The following FGD4 variants were observed in gnomAD, a reference collection of about 807,000 sequenced individuals.
The protein encoded by FGD4 is FYVE, RhoGEF and PH domain containing 4, also known as FYVE, RhoGEF and PH domain-containing protein 4.
Under a neutral mutation model 102.0 loss-of-function variants are expected in FGD4, and 42 were observed. The observed-to-expected ratio is 0.41, with a 90% CI of 0.32 to 0.53. FGD4 has a LOEUF of 0.53. Among genes scored for constraint, FGD4 ranks in the 20% least tolerant of loss-of-function variants. FGD4 has a pLI of 0.21. For synonymous variants in FGD4, 380 were observed against 375.7 expected, an observed-to-expected ratio of 1.01 and a Z score of -0.13; for missense variants, 902 against 1,078.2, an observed-to-expected ratio of 0.84 and a Z score of 2.29.
intron 1 of FGD4, among the ~76,000 whole-genome samples, chr12:32,484,991 T>C (rs951061998): frequency 2.6e-5 from 4 of 152,220 alleles, no homozygotes; most frequent in African/African-American, 9.6e-5. Flanking sequence ...AACGTCAACC[T>C]TCTATGCTCA....
intron 1 of FGD4, among the ~76,000 whole-genome samples, chr12:32,465,711 G>A (rs1943234735): frequency 1.3e-5 from 2 of 151,984 alleles, no homozygotes; most frequent in African/African-American, 2.4e-5. Flanking sequence ...AGCAGAAAGA[G>A]TATTACTTAC....
At chr12:32,449,938 A>G (rs960566128) in intron 1 of FGD4, among the ~76,000 whole-genome samples, 23 of 150,654 alleles carry the variant, frequency 1.5e-4, no homozygotes, top group Admixed American at 9.3e-4. Flanking sequence ...TATTTTATTT[A>G]TTTTATTTTT....
At chr12:32,470,841 T>C (rs999751283) in intron 1 of FGD4, among the ~76,000 whole-genome samples, 1 of 152,218 alleles carries the variant, frequency 6.6e-6, no homozygotes, top group African/African-American at 2.4e-5. Context: ...GTGAATTTAC[T>C]TGATACACAG....
chr12:32,485,710 C>G lies in FGD4; in HGVS notation c.167-78427C>G, dbSNP rs575589725. On this transcript the variant is annotated intron_variant, in intron 1 of 16. Coordinates refer to ENST00000534526, the MANE Select transcript of FGD4 (RefSeq NM_001370298.3). ...CCACCCGCCTAGGCCTCCCAGAGTG[C>G]TGGGATTACAAGTGTGAGCCACTGC... 5 of 345,884 alleles carry G rather than the reference C, an allele frequency of 1.4e-5. No homozygotes were observed. In the South Asian group the frequency reaches 5.8e-4, roughly 40 times the overall value. 21.4% of individuals were successfully genotyped at this position (345,884 alleles called of 1,614,324 possible).
intron 1 of FGD4, among the ~76,000 whole-genome samples, chr12:32,400,602 G>T (rs1217322311): frequency 1.3e-5 from 2 of 152,148 alleles, no homozygotes; most frequent in Non-Finnish European, 2.9e-5. Flanking sequence ...TATTCAAGGC[G>T]ATCTATTCAA....
chr12:32,495,098 C>T (rs778353450), intron 1 of FGD4, among the ~76,000 whole-genome samples: 1 of 152,054 alleles, frequency 6.6e-6, no homozygotes, highest in Non-Finnish European at 1.5e-5. Flanking sequence ...ATACTTCTTA[C>T]AGCTGCATAG....
At chr12:32,512,014 G>A (rs1939424067) in intron 1 of FGD4, 1 of 152,108 alleles carries the variant, frequency 6.6e-6, no homozygotes, top group South Asian at 2.1e-4. Flanking sequence ...ACTATAAAAT[G>A]ATTAATATTG....
intron 1 of FGD4, among the ~76,000 whole-genome samples, chr12:32,562,010 C>T (rs1226058923): frequency 6.6e-6 from 1 of 151,918 alleles, no homozygotes; most frequent in Non-Finnish European, 1.5e-5. Flanking sequence ...TGTGTGTGGA[C>T]GTGGGCGCAT....
chr12:32,431,466 G>A (rs1344531722), intron 1 of FGD4, among the ~76,000 whole-genome samples: 4 of 152,126 alleles, frequency 2.6e-5, no homozygotes, highest in Non-Finnish European at 1.5e-5. Context: ...CTCAAAGCTA[G>A]TTGCTTACAC....
intron 1 of FGD4, among the ~76,000 whole-genome samples, chr12:32,423,449 G>T (rs548881919): frequency 9.9e-5 from 15 of 151,570 alleles, no homozygotes; most frequent in Admixed American, 9.9e-4. Context: ...AAAATTAGCC[G>T]GGCGTGGTGG....
At chr12:32,610,564 A>C (rs1189439884) in intron 8 of FGD4, among the ~76,000 whole-genome samples, 1 of 152,228 alleles carries the variant, frequency 6.6e-6, no homozygotes, top group Non-Finnish European at 1.5e-5. Context: ...AGCCTAAATC[A>C]TCATGTATGA....
At chr12:32,496,913 TAACA>T (rs531080958) in intron 1 of FGD4, among the ~76,000 whole-genome samples, 146 of 152,320 alleles carry the variant, frequency 9.6e-4, no homozygotes, top group African/African-American at 3.4e-3. Context: ...ATGAAAACAG[TAACA>T]AACAATCTAA....
intron 11 of FGD4, 141 bp downstream of exon 11, chr12:32,620,011 A>G: frequency 3.0e-6 from 3 of 1,002,444 alleles, no homozygotes; most frequent in South Asian, 2.9e-5. Context: ...GCAGAGCTGT[A>G]GGTTCTTGAA....
At chr12:32,499,887 A>T (rs1230268510) in intron 1 of FGD4, among the ~76,000 whole-genome samples, 1 of 152,156 alleles carries the variant, frequency 6.6e-6, no homozygotes, top group African/African-American at 2.4e-5. Context: ...GTGTGGTGGC[A>T]CATGCCTGTA....
intron 1 of FGD4, among the ~76,000 whole-genome samples, chr12:32,409,712 T>A (rs994591554): frequency 2.6e-5 from 4 of 152,104 alleles, no homozygotes; most frequent in African/African-American, 9.7e-5. Context: ...ATTGCCTTAG[T>A]GATTGATTGT....
chr12:32,507,826 C>G (rs570806458), intron 1 of FGD4, among the ~76,000 whole-genome samples: 93 of 152,286 alleles, frequency 6.1e-4, no homozygotes, highest in African/African-American at 2.2e-3. Flanking sequence ...TTCAAAAATT[C>G]AAGTTGTGCT....
Position 32,598,293 on chromosome 12 carries a change from A to G in FGD4, c.1012-204A>G, listed in dbSNP as rs558441026. Among the ~76,000 whole-genome samples the G allele has an allele frequency of 1.3e-5, 2 of 152,322 alleles. 1 individual carries two copies. The highest frequency in any genetic ancestry group is 4.1e-4 in the South Asian group (2 of 4,824). ...TGGTAACTGCTGCAGAGGTCAAAGGAGAAACTATAGTTTAAATCCAGCTGC... is the reference window on the plus strand; with the variant it reads ...TGGTAACTGCTGCAGAGGTCAAAGGGGAAACTATAGTTTAAATCCAGCTGC... On this transcript the variant is annotated intron_variant, in intron 4 of 16. Coordinates refer to ENST00000534526, the MANE Select transcript of FGD4 (RefSeq NM_001370298.3).
intron 1 of FGD4, among the ~76,000 whole-genome samples, chr12:32,515,750 A>G (rs1319326617): frequency 2.0e-5 from 3 of 152,204 alleles, no homozygotes; most frequent in Non-Finnish European, 2.9e-5. Context: ...CCTCCTTTAC[A>G]TAAGTGATAA....
intron 1 of FGD4, among the ~76,000 whole-genome samples, chr12:32,451,467 T>C (rs1003326118): frequency 1.3e-5 from 2 of 152,214 alleles, no homozygotes; most frequent in Admixed American, 6.5e-5. Context: ...GAGTGCCCAA[T>C]AGAACTAGAC....
Sources: allele counts gnomAD v4.1 joint callset (sites outside exome capture counted in the v4.1 genomes callset), GRCh38; gene constraint gnomAD v4.1.1; transcripts MANE v1.5; gene names NCBI Gene and HGNC (gene_info 2026-07-23, HGNC 2026-07-21).